DNAJB6: variants seen among roughly 807,000 people sequenced by gnomAD.
DNAJB6 encodes the protein DnaJ heat shock protein family (Hsp40) member B6, also known as dnaJ homolog subfamily B member 6.
A neutral mutation model predicts 42.7 loss-of-function variants in DNAJB6; 16 were observed. The observed-to-expected ratio is 0.37, with a 90% CI of 0.25 to 0.57. DNAJB6 has a LOEUF of 0.57. Among genes scored for constraint, DNAJB6 ranks in the 20% least tolerant of loss-of-function variants. The pLI is 0.74. For synonymous variants in DNAJB6, 170 were observed against 163.5 expected, an observed-to-expected ratio of 1.04 and a Z score of -0.30; for missense variants, 347 against 416.8, an observed-to-expected ratio of 0.83 and a Z score of 1.46.
Position 157,409,848 on chromosome 7 carries a change from G to C in DNAJB6, c.745G>C (p.Ala249Pro). ...AEERMRRGQN[A>P]LPAQPAGLRP... ...GGAGCGCATGCGGAGAGGCCAGAAC[G>C]CCCTGCCAGCCCAGCCTGCCGGCCT... Residue 249 changes from alanine to proline, a missense_variant, in exon 9 of 10, where the codon GCC (alanine) becomes CCC (proline). Ala to Pro is a conservative substitution (Grantham distance 27, BLOSUM62 -1). Transcript: ENST00000262177. 2 of 1,533,534 alleles carry C rather than the reference G, an allele frequency of 1.3e-6. No individual in the cohort carries two copies. The highest frequency in any genetic ancestry group is 8.7e-7 in the Non-Finnish European group (1 of 1,145,706). The allele number at this position is 1,533,534 out of a possible 1,614,324, so 95.0% of individuals were successfully genotyped here.
chr7:157,341,282 T>G (rs13309867), intron 1 of DNAJB6, among the ~76,000 whole-genome samples: 83,804 of 151,656 alleles, frequency 0.55, 23,458 homozygotes, highest in East Asian at 0.76. Flanking sequence ...CTGCCACTGC[T>G]CCCGACTGAT....
At chr7:157,344,592 T>C (rs1235590725) in intron 1 of DNAJB6, among the ~76,000 whole-genome samples, 1 of 152,192 alleles carries the variant, frequency 6.6e-6, no homozygotes, top group Admixed American at 6.5e-5. Flanking sequence ...TGAAATTATT[T>C]GTTTTTTTAT....
intron 5 of DNAJB6, chr7:157,378,160 T>C (rs1269392914): frequency 6.6e-6 from 1 of 152,262 alleles, no homozygotes; most frequent in Non-Finnish European, 1.5e-5. Flanking sequence ...ACTGGTCCTG[T>C]GGACACAGCC....
chr7:157,372,850 C>T (rs1800283926), intron 5 of DNAJB6, among the ~76,000 whole-genome samples: 1 of 152,204 alleles, frequency 6.6e-6, no homozygotes, highest in South Asian at 2.1e-4. Context: ...GCTCCAGGCC[C>T]TTCCCCAGCT....
rs192732575 is a variant in DNAJB6 at position 157,392,708 on chromosome 7, C to T, written c.691+7097C>T. On this transcript the variant is annotated intron_variant, in intron 8 of 9. Transcript: ENST00000262177. Reference sequence around the variant, plus strand: ...TTTCAAATGAAAGGTGCAGTCAGTGCGAGGAACACCCCATGTAGATTTGGG... The same window carrying T: ...TTTCAAATGAAAGGTGCAGTCAGTGTGAGGAACACCCCATGTAGATTTGGG... 9.1e-4 allele frequency among the ~76,000 whole-genome samples: 138 copies of T among 152,230 alleles called. 3 individuals carry two copies. The highest frequency in any genetic ancestry group is 3.4e-3 in the Middle Eastern group (1 of 294).
intron 6 of DNAJB6, among the ~76,000 whole-genome samples, chr7:157,384,259 C>T (rs560341178): frequency 7.9e-5 from 12 of 152,262 alleles, no homozygotes; most frequent in African/African-American, 2.2e-4. Flanking sequence ...TTTTTTGAGA[C>T]GAATACTTGT....
chr7:157,383,638 TGTGTGG>T (rs979502214), intron 6 of DNAJB6, among the ~76,000 whole-genome samples: 3 of 138,802 alleles, frequency 2.2e-5, no homozygotes, highest in African/African-American at 7.7e-5. Flanking sequence ...TGTGTGTGTG[TGTGTGG>T]TGGGGGTGTA....
intron 1 of DNAJB6, among the ~76,000 whole-genome samples, chr7:157,352,932 C>A (rs1799070247): frequency 6.6e-6 from 1 of 152,054 alleles, no homozygotes; most frequent in Admixed American, 6.6e-5. Flanking sequence ...ACAGGGAAGG[C>A]AGGGTGGTAA....
chr7:157,375,255 G>C (rs1478164853), intron 5 of DNAJB6, among the ~76,000 whole-genome samples: 1 of 152,214 alleles, frequency 6.6e-6, no homozygotes, highest in South Asian at 2.1e-4. Context: ...TCAGAAAAGA[G>C]CCTGGAGCCT....
At chr7:157,400,748 G>A (rs78015014) in intron 8 of DNAJB6, among the ~76,000 whole-genome samples, 3,515 of 152,304 alleles carry the variant, frequency 0.023, 69 homozygotes, top group East Asian at 0.11. Flanking sequence ...GTCATGAGGC[G>A]GGGCAGGAAC....
chr7:157,384,945 G>A lies in DNAJB6; in HGVS notation c.557G>A (p.Gly186Asp). Residue 186 changes from glycine to aspartate, a missense_variant, in exon 7 of 10, where the codon GGC becomes GAC. This residue lies in a region of DNAJB6 where 264 missense variants were observed against 288.0 expected (regional missense o/e 0.92). Transcript: ENST00000262177. Reference sequence around the variant, plus strand: ...ACGTCATTTGGTGGTAGTGGCATGGGCAACTTCAAATCGATATCAACTTCA... The same window carrying A: ...ACGTCATTTGGTGGTAGTGGCATGGACAACTTCAAATCGATATCAACTTCA... ...SSTSFGGSGM[G>D]NFKSISTSTK... The A allele has an allele frequency of 6.2e-7, 1 of 1,613,970 alleles. No individual in the cohort carries two copies. Among genetic ancestry groups the A allele is most frequent in the Non-Finnish European group, 8.5e-7 (1 of 1,179,952 alleles).
At chr7:157,381,011 T>A (rs1800738685) in intron 5 of DNAJB6, 1 of 146,818 alleles carries the variant, frequency 6.8e-6, no homozygotes, top group Non-Finnish European at 1.5e-5. Flanking sequence ...TTTTTTTTTT[T>A]AGTAGAGACA....
chr7:157,345,468 C>T (rs1302049066), intron 1 of DNAJB6, among the ~76,000 whole-genome samples: 1 of 152,018 alleles, frequency 6.6e-6, no homozygotes, highest in African/African-American at 2.4e-5. Flanking sequence ...GCATGTGCCA[C>T]CCCACTCAGC....
intron 5 of DNAJB6, 60 bp from the exon 6 acceptor site, chr7:157,382,186 C>T: frequency 6.6e-7 from 1 of 1,509,028 alleles, no homozygotes; most frequent in Non-Finnish European, 8.8e-7. Context: ...CTGTAGCTAT[C>T]ACATGAGGAA....
At chr7:157,407,371 A>G (rs760974641) in intron 8 of DNAJB6, among the ~76,000 whole-genome samples, 1 of 152,214 alleles carries the variant, frequency 6.6e-6, no homozygotes, top group Non-Finnish European at 1.5e-5. Context: ...CTTCACAGCT[A>G]TGGATATTTA....
rs151191984 is a variant in DNAJB6, at chr7:157,342,109, T to C, written c.-27+4965T>C. ...TTGGAAGCAGGTGATCCACCTGCTT[T>C]GGCCTCCCAAAGTGCTGGGATTACA... On this transcript the variant is annotated intron_variant, in intron 1 of 9. Coordinates refer to ENST00000262177, the MANE Select transcript of DNAJB6 (RefSeq NM_058246.4). 4.2e-3 allele frequency among the ~76,000 whole-genome samples: 641 copies of C among 152,168 alleles called. 4 individuals carry two copies. The highest frequency in any genetic ancestry group is 0.015 in the African/African-American group (611 of 41,524).
At chr7:157,369,382 A>G (rs750177697) in intron 5 of DNAJB6, 2 of 456,682 alleles carry the variant, frequency 4.4e-6, no homozygotes, top group Non-Finnish European at 4.4e-6. Flanking sequence ...TTTGGGTTGA[A>G]GTCCTGTGTT....
chr7:157,383,194 A>G (rs946464053), intron 6 of DNAJB6, among the ~76,000 whole-genome samples: 1 of 152,004 alleles, frequency 6.6e-6, no homozygotes, highest in Admixed American at 6.6e-5. Flanking sequence ...TTTAATGGAG[A>G]CAGGGTTTTT....
chr7:157,378,535 C>G (rs572307271), intron 5 of DNAJB6: 2 of 152,300 alleles, frequency 1.3e-5, no homozygotes, highest in East Asian at 1.9e-4. Context: ...TTGTAGCGTG[C>G]GCTGTATAGT....
Sources: allele counts gnomAD v4.1 joint callset (sites outside exome capture counted in the v4.1 genomes callset), GRCh38; gene constraint gnomAD v4.1.1; regional missense constraint gnomAD v4.1.1; transcripts MANE v1.5; gene names NCBI Gene and HGNC (gene_info 2026-07-23, HGNC 2026-07-21).